TM4SF20: variants seen among roughly 807,000 people sequenced by gnomAD.
TM4SF20 encodes the protein transmembrane 4 L6 family member 20.
TM4SF20 carries 13 observed loss-of-function variants against 15.1 expected under a neutral mutation model. The observed-to-expected ratio is 0.86, with a 90% CI of 0.56 to 1.36. The LOEUF (loss-of-function observed/expected upper bound fraction) is 1.36, where lower values mean the gene tolerates loss of function less well. Ranked by LOEUF, TM4SF20 falls within the 40% of genes most tolerant of loss-of-function variation. The probability of loss-of-function intolerance (pLI) is 0.00; values close to 1 mark genes in which losing one functional copy is unlikely to be tolerated. For missense variants in TM4SF20, 282 were observed against 268.4 expected (o/e 1.05, Z -0.35); for synonymous variants, 92 against 96.6 (o/e 0.95, Z 0.28).
At chr2:227,367,936 T>C (rs968889133) in intron 2 of TM4SF20, among the ~76,000 whole-genome samples, 11 of 152,116 alleles carry the variant, frequency 7.2e-5, no homozygotes. Flanking sequence ...CTTCAAATCC[T>C]GATTCTTCCA....
At position 227,368,341 on chromosome 2, in the gene TM4SF20, A is replaced by G. The variant is rs1303219362; in HGVS notation, c.250-2097T>C. Among the ~76,000 whole-genome samples the G allele has an allele frequency of 1.5e-5, 2 of 131,974 alleles. 1 individual carries two copies. Among genetic ancestry groups the G allele is most frequent in the Non-Finnish European group, 3.2e-5 (2 of 62,370 alleles). 86.6% of individuals were successfully genotyped at this position (131,974 alleles called of 152,430 possible). ...CCTGGCCGCCATCTATTATTTATAT[A>G]TATATATATATATAATTTTTTGTTT... On this transcript the variant is annotated intron_variant, in intron 2 of 3. Coordinates refer to ENST00000304568, the MANE Select transcript of TM4SF20 (RefSeq NM_024795.4).
intron 1 of TM4SF20, among the ~76,000 whole-genome samples, chr2:227,371,238 T>A (rs1032932615): frequency 8.5e-5 from 13 of 152,290 alleles, no homozygotes; most frequent in Non-Finnish European, 1.6e-4. Context: ...TCACTCTGAG[T>A]CATCTGCAGA....
At chr2:227,364,191 ATTAC>A (rs1471148198) in intron 3 of TM4SF20, among the ~76,000 whole-genome samples, 179 bp from the exon 4 acceptor site, 6 of 152,180 alleles carry the variant, frequency 3.9e-5, no homozygotes, top group Non-Finnish European at 7.3e-5. Context: ...CAAAACTTTT[ATTAC>A]TTATATAGCC....
chr2:227,378,434 C>G (rs946666181), intron 1 of TM4SF20, among the ~76,000 whole-genome samples: 1 of 152,166 alleles, frequency 6.6e-6, no homozygotes, highest in Non-Finnish European at 1.5e-5. Context: ...TTTAGGAGTT[C>G]CATCCTGCAC....
chr2:227,376,143 T>A (rs1487421043), intron 1 of TM4SF20, among the ~76,000 whole-genome samples: 1 of 152,224 alleles, frequency 6.6e-6, no homozygotes, highest in Non-Finnish European at 1.5e-5. Context: ...ATGAATTCCA[T>A]AGTTTGTATA....
intron 1 of TM4SF20, among the ~76,000 whole-genome samples, chr2:227,377,987 A>C (rs1306274356): frequency 1.3e-5 from 2 of 152,138 alleles, no homozygotes; most frequent in Non-Finnish European, 2.9e-5. Context: ...AAACTTAAAA[A>C]AAAAAGTTAA....
intron 1 of TM4SF20, among the ~76,000 whole-genome samples, chr2:227,373,104 G>C (rs1363610761): frequency 6.6e-6 from 1 of 152,100 alleles, no homozygotes; most frequent in Non-Finnish European, 1.5e-5. Flanking sequence ...CTTCCCTGCT[G>C]CCTTCACCCT....
At chr2:227,377,227 A>G (rs1402363531) in intron 1 of TM4SF20, among the ~76,000 whole-genome samples, 4 of 152,214 alleles carry the variant, frequency 2.6e-5, no homozygotes, top group Non-Finnish European at 4.4e-5. Flanking sequence ...TAGGAGCTTC[A>G]TGGAAATTGC....
At position 227,366,179 on chromosome 2, in the gene TM4SF20, G is replaced by A. The variant is rs767404096; in HGVS notation, c.315C>T (p.Ser105=). The change falls in exon 3 of 4, where the codon TCC becomes TCT. Residue 105 remains serine, a synonymous_variant. Transcript: ENST00000304568. ...GAGGACCTTTTAAGAGAGCCTGGATGGATATCAGCATGCAATACAGAGCAC... is the reference window on the plus strand; with the variant it reads ...GAGGACCTTTTAAGAGAGCCTGGATAGATATCAGCATGCAATACAGAGCAC... ...VIGALYCMLI[S]IQALLKGPLM... The A allele has an allele frequency of 3.1e-6, 5 of 1,613,750 alleles. No homozygotes were observed. The highest frequency in any genetic ancestry group is 1.7e-5 in the Admixed American group (1 of 59,990).
Position 227,375,414 on chromosome 2 carries a change from C to A in TM4SF20, c.183+3672G>T, listed in dbSNP as rs561714295. ...TCTCAAAAACAATGACCAAAAAAAA[C>A]CAAAGAAAACCCACAAAAGTATATT... On this transcript the variant is annotated intron_variant, in intron 1 of 3. Coordinates refer to ENST00000304568, the MANE Select transcript of TM4SF20 (RefSeq NM_024795.4). 4.5e-4 allele frequency among the ~76,000 whole-genome samples: 69 copies of A among 152,188 alleles called. 1 individual carries two copies. Among genetic ancestry groups the A allele is most frequent in the African/African-American group, 1.6e-3 (65 of 41,532 alleles).
rs148087451 is a variant in TM4SF20 at position 227,377,958 on chromosome 2, A to C, written c.183+1128T>G. 5.4e-3 allele frequency among the ~76,000 whole-genome samples: 823 copies of C among 152,160 alleles called. 6 individuals carry two copies. The highest frequency in any genetic ancestry group is 0.019 in the African/African-American group (782 of 41,484). On this transcript the variant is annotated intron_variant, in intron 1 of 3. Transcript: ENST00000304568. ...ACGTTTACCTATGTAACAAACCTGC[A>C]CATGTACCTCTGAACTGAAAACTTA...
chr2:227,364,390 G>T (rs57440161), intron 3 of TM4SF20, among the ~76,000 whole-genome samples: 1 of 145,236 alleles, frequency 6.9e-6, no homozygotes, highest in East Asian at 2.1e-4. Context: ...CCTACCCCCC[G>T]CCACCCCCAT....
chr2:227,378,403 G>A (rs570564557), intron 1 of TM4SF20, among the ~76,000 whole-genome samples: 24 of 152,238 alleles, frequency 1.6e-4, no homozygotes, highest in South Asian at 1.2e-3. Flanking sequence ...CAAGTGCCTC[G>A]GGTGATTCAT....
rs2076455863 is a variant in TM4SF20, at chr2:227,377,271, G to A, written c.183+1815C>T. 2.0e-5 allele frequency among the ~76,000 whole-genome samples: 3 copies of A among 152,158 alleles called. No homozygotes were observed. In the South Asian group the frequency reaches 6.2e-4, roughly 31 times the overall value. On this transcript the variant is annotated intron_variant, in intron 1 of 3. Transcript: ENST00000304568. Reference sequence around the variant, plus strand: ...AGTCATGCTCAGCCAGCTGCTCCTGGCTTCTGGTGTAAGCAAATGCAAAAG... The same window carrying A: ...AGTCATGCTCAGCCAGCTGCTCCTGACTTCTGGTGTAAGCAAATGCAAAAG...
At chr2:227,368,019 A>T (rs13397284) in intron 2 of TM4SF20, among the ~76,000 whole-genome samples, 40,889 of 120,484 alleles carry the variant, frequency 0.34, 7,025 homozygotes, top group South Asian at 0.52. Context: ...TTAACCATCT[A>T]TTTTTTTTTT....
chr2:227,365,754 G>C (rs991242553), intron 3 of TM4SF20, among the ~76,000 whole-genome samples: 5 of 152,114 alleles, frequency 3.3e-5, no homozygotes, highest in Non-Finnish European at 5.9e-5. Context: ...CATTCTCCAA[G>C]GATGAAAGTT....
chr2:227,373,927 C>CAAAAAAAAAAAAA (rs373068376), intron 1 of TM4SF20, among the ~76,000 whole-genome samples: 41 of 103,022 alleles, frequency 4.0e-4, no homozygotes, highest in Middle Eastern at 5.2e-3. Context: ...GACTCCGTCT[C>CAAAAAAAAAAAAA]AAAAAAAAAA....
chr2:227,377,238 T>C (rs1276917727), intron 1 of TM4SF20, among the ~76,000 whole-genome samples: 1 of 152,228 alleles, frequency 6.6e-6, no homozygotes, highest in Non-Finnish European at 1.5e-5. Flanking sequence ...TGGAAATTGC[T>C]ATCGTTAAGT....
intron 1 of TM4SF20, among the ~76,000 whole-genome samples, chr2:227,372,929 C>T (rs962933304): frequency 6.6e-6 from 1 of 152,088 alleles, no homozygotes; most frequent in Admixed American, 6.5e-5. Flanking sequence ...CCATGTTGCC[C>T]AGGCTGGTCT....
Sources: allele counts gnomAD v4.1 joint callset (sites outside exome capture counted in the v4.1 genomes callset), GRCh38; gene constraint gnomAD v4.1.1; transcripts MANE v1.5; gene names NCBI Gene and HGNC (gene_info 2026-07-23, HGNC 2026-07-21).